TIMM23B: variants seen among roughly 807,000 people sequenced by gnomAD.
TIMM23B encodes the protein mitochondrial import inner membrane translocase subunit Tim23B.
A neutral mutation model predicts 27.3 loss-of-function variants in TIMM23B; 27 were observed. That is an observed-to-expected ratio of 0.99 (90% CI 0.73 to 1.36). The LOEUF is 1.36. Among genes scored for constraint, TIMM23B ranks in the 40% most tolerant of loss-of-function variants. The pLI is 0.00. For synonymous variants in TIMM23B, 73 were observed against 92.4 expected (o/e 0.79, Z 1.21); for missense variants, 205 against 244.2 (o/e 0.84, Z 1.07).
chr10:49,944,386 G>A (rs1410372156), intron 1 of TIMM23B, among the ~76,000 whole-genome samples: 2 of 152,018 alleles, frequency 1.3e-5, no homozygotes, highest in African/African-American at 4.8e-5. Context: ...GTGATGCATA[G>A]GTTTGTAAAT....
intron 1 of TIMM23B, 90 bp downstream of exon 1, chr10:49,942,390 T>G: frequency 1.3e-6 from 2 of 1,547,668 alleles, no homozygotes; most frequent in South Asian, 2.4e-5. Context: ...TTGTTGGTTT[T>G]TTTTTCCTTG....
chr10:49,971,027 C>T (rs1445823541), intron 6 of TIMM23B, among the ~76,000 whole-genome samples: 1 of 152,162 alleles, frequency 6.6e-6, no homozygotes, highest in Non-Finnish European at 1.5e-5. Context: ...TATGACCTTA[C>T]CCCCAACCCG....
At chr10:49,948,043 TTAA>T (rs1350182765) in intron 2 of TIMM23B, among the ~76,000 whole-genome samples, 1 of 152,174 alleles carries the variant, frequency 6.6e-6, no homozygotes, top group East Asian at 1.9e-4. Context: ...TCTTGAAACA[TTAA>T]TAAAAATAAT....
intron 6 of TIMM23B, chr10:49,972,798 G>A: frequency 1.7e-6 from 1 of 584,282 alleles, no homozygotes; most frequent in Non-Finnish European, 3.0e-6. Context: ...ATAAGCAAGA[G>A]TTCTTTTTCA....
chr10:49,948,686 T>G (rs1189345235), intron 2 of TIMM23B, among the ~76,000 whole-genome samples: 5 of 152,190 alleles, frequency 3.3e-5, no homozygotes, highest in African/African-American at 2.4e-5. Context: ...GAAAGTAGAT[T>G]AGTAGCTGCC....
chr10:49,967,325 T>C (rs1840206723), intron 6 of TIMM23B, among the ~76,000 whole-genome samples: 1 of 152,248 alleles, frequency 6.6e-6, no homozygotes, highest in South Asian at 2.1e-4. Context: ...TCAGTGGTGC[T>C]ATACTTAGAG....
chr10:49,951,888 C>T (rs1227601716), intron 2 of TIMM23B, among the ~76,000 whole-genome samples: 48 of 152,292 alleles, frequency 3.2e-4, no homozygotes, highest in African/African-American at 7.0e-4. Flanking sequence ...ATCAGATTTA[C>T]GTTTTGAAGG....
At chr10:49,969,177 G>C (rs1488703784) in intron 6 of TIMM23B, among the ~76,000 whole-genome samples, 1 of 152,194 alleles carries the variant, frequency 6.6e-6, no homozygotes, top group African/African-American at 2.4e-5. Flanking sequence ...AGCCATACAG[G>C]CTGGGTGTGG....
chr10:49,948,094 A>G (rs1839411145), intron 2 of TIMM23B, among the ~76,000 whole-genome samples: 1 of 152,306 alleles, frequency 6.6e-6, no homozygotes, highest in African/African-American at 2.4e-5. Context: ...ACATTTCTCT[A>G]TGAAGATATA....
At chr10:49,971,558 C>T (rs1357464487) in intron 6 of TIMM23B, among the ~76,000 whole-genome samples, 5 of 152,186 alleles carry the variant, frequency 3.3e-5, no homozygotes, top group Non-Finnish European at 7.3e-5. Flanking sequence ...TATTTTGCAA[C>T]ATTCTGAAGT....
chr10:49,947,235 C>T (rs1372633050), intron 2 of TIMM23B, among the ~76,000 whole-genome samples: 2 of 152,138 alleles, frequency 1.3e-5, no homozygotes, highest in African/African-American at 2.4e-5. Context: ...GTTGTGACAC[C>T]AAAAGCACAA....
chr10:49,966,744 G>C (rs1404591273), intron 6 of TIMM23B, among the ~76,000 whole-genome samples: 1 of 151,628 alleles, frequency 6.6e-6, no homozygotes, highest in African/African-American at 2.4e-5. Flanking sequence ...AGAATCGCTT[G>C]AACCCAGGAG....
At chr10:49,957,238 G>A (rs1839754777) in intron 5 of TIMM23B, among the ~76,000 whole-genome samples, 1 of 150,700 alleles carries the variant, frequency 6.6e-6, no homozygotes. Context: ...CTTAACATTT[G>A]CGTATTTATT....
At chr10:49,957,563 A>G (rs1369941635) in intron 5 of TIMM23B, among the ~76,000 whole-genome samples, 1 of 152,072 alleles carries the variant, frequency 6.6e-6, no homozygotes, top group Non-Finnish European at 1.5e-5. Flanking sequence ...ACCTGGCTGG[A>G]TATTTTTAAA....
In TIMM23B at chr10:49,942,274, C is replaced by T. The variant is rs1204058100; in HGVS notation, c.80C>T (p.Ser27Leu). 29 of 1,612,296 alleles carry T rather than the reference C, an allele frequency of 1.8e-5. No individual in the cohort carries two copies. The highest frequency in any genetic ancestry group is 2.2e-5 in the Non-Finnish European group (26 of 1,179,198). Residue 27 changes from serine to leucine, a missense_variant, in exon 1 of 7, where the codon TCG becomes TTG. Ser to Leu is a moderately radical substitution (Grantham distance 145). Transcript: ENST00000651259. ...TTCGGAGCCGGCGAAGCAGGTTACT[C>T]GCACGCGGATTTGGCTGGCGTCCCG... The part of the protein sequence containing the change: ...GFFGAGEAGY[S>L]HADLAGVPLT...
At chr10:49,955,467 AT>A (rs1327810502) in intron 5 of TIMM23B, among the ~76,000 whole-genome samples, 3 of 152,240 alleles carry the variant, frequency 2.0e-5, no homozygotes, top group African/African-American at 7.2e-5. Context: ...TAGCGTGTTC[AT>A]TAGTCTGTTT....
At position 49,952,095 on chromosome 10, in the gene TIMM23B, C is replaced by T. The variant is rs1457143280; in HGVS notation, c.166-31C>T. 97 of 1,516,638 alleles carry T rather than the reference C, an allele frequency of 6.4e-5. No individual in the cohort carries two copies. In the Admixed American group the frequency reaches 1.7e-3, roughly 26 times the overall value. The allele number at this position is 1,516,638 out of a possible 1,614,324, so 93.9% of individuals were successfully genotyped here. ...TACAAGATTTGTGTCTTGAGGGACA[C>T]TCAGCTTGGTTTTCATTATTATCCT... On this transcript the variant is annotated intron_variant, in intron 2 of 6. Transcript: ENST00000651259.
At chr10:49,943,323 C>G (rs1839224550) in intron 1 of TIMM23B, 1 of 152,062 alleles carries the variant, frequency 6.6e-6, no homozygotes, top group South Asian at 2.1e-4. Flanking sequence ...TCAAACAATC[C>G]TCCCCTCTAA....
At chr10:49,952,359 A>G in intron 3 of TIMM23B, 90 bp from the exon 4 acceptor site, 1 of 1,505,064 alleles carries the variant, frequency 6.6e-7, no homozygotes, top group African/African-American at 1.4e-5. Context: ...AATAAAAATG[A>G]AAAAGAATCA....
Sources: gnomAD v4.1 joint callset for allele counts (sites outside exome capture counted in the v4.1 genomes callset) on GRCh38, gnomAD v4.1.1 for gene constraint, MANE v1.5 for transcripts, NCBI Gene and HGNC (gene_info 2026-07-23, HGNC 2026-07-21) for gene names.